The following OSBPL9 variants were observed in gnomAD, a reference collection of about 807,000 sequenced individuals.
OSBPL9 encodes the protein oxysterol-binding protein-related protein 9.
A neutral mutation model predicts 106.6 loss-of-function variants in OSBPL9; 40 were observed. That is an observed-to-expected ratio of 0.38 (90% CI 0.29 to 0.49). OSBPL9 has a LOEUF of 0.49. Among genes scored for constraint, OSBPL9 ranks in the 20% least tolerant of loss-of-function variants. OSBPL9 has a pLI of 0.97. For synonymous variants in OSBPL9, 269 were observed against 295.4 expected, an observed-to-expected ratio of 0.91 and a Z score of 0.92; for missense variants, 609 against 887.2, an observed-to-expected ratio of 0.69 and a Z score of 3.98.
chr1:51,778,536 T>C (rs1675584900), intron 15 of OSBPL9, among the ~76,000 whole-genome samples: 1 of 152,160 alleles, frequency 6.6e-6, no homozygotes, highest in South Asian at 2.1e-4. Context: ...TAGAGACAAA[T>C]AGGAATATTT....
Position 51,729,568 on chromosome 1 carries a change from C to G in OSBPL9, c.318+15489C>G, listed in dbSNP as rs1308547611. 6.0e-6 allele frequency: 1 copy of G among 166,150 alleles called. No homozygotes were observed. Among genetic ancestry groups the G allele is most frequent in the Non-Finnish European group, 1.3e-5 (1 of 77,618 alleles). The allele number at this position is 166,150 out of a possible 1,614,324, so 10.3% of individuals were successfully genotyped here. ...GGTGAACCCCCGCCCCCCACGGAGG[C>G]GGCTGGGTCGCGGGTCTGGGCGGGG... On this transcript the variant is annotated intron_variant, in intron 4 of 23. Coordinates refer to ENST00000428468, the MANE Select transcript of OSBPL9 (RefSeq NM_024586.6). The surrounding 1 kb of genome is among the most constrained non-coding windows in gnomAD (Gnocchi z 5.1).
chr1:51,780,065 G>T (rs945917301), intron 15 of OSBPL9, among the ~76,000 whole-genome samples: 8 of 147,496 alleles, frequency 5.4e-5, no homozygotes, highest in Non-Finnish European at 1.0e-4. Flanking sequence ...ACAACAGAGC[G>T]AGACTCCATC....
At chr1:51,686,155 G>A (rs1653749186) in intron 3 of OSBPL9, among the ~76,000 whole-genome samples, 1 of 152,194 alleles carries the variant, frequency 6.6e-6, no homozygotes, top group Non-Finnish European at 1.5e-5. Context: ...GCATAAAAAT[G>A]GGGTGCAGAG....
At chr1:51,747,399 G>A (rs947143348) in intron 6 of OSBPL9, among the ~76,000 whole-genome samples, 22 of 152,156 alleles carry the variant, frequency 1.4e-4, no homozygotes, top group Non-Finnish European at 2.8e-4. Flanking sequence ...CAACCAGCAA[G>A]AATGTTCAGA....
chr1:51,775,625 T>C (rs949133633), intron 14 of OSBPL9, among the ~76,000 whole-genome samples: 1 of 152,148 alleles, frequency 6.6e-6, no homozygotes, highest in Admixed American at 6.5e-5. Context: ...TATTTATTTA[T>C]TTAGAGATGG....
chr1:51,602,374 C>T (rs1051533536), intron 2 of OSBPL9, among the ~76,000 whole-genome samples: 5 of 150,074 alleles, frequency 3.3e-5, no homozygotes, highest in South Asian at 2.1e-4. Flanking sequence ...GTAATTTATT[C>T]GTATACTTTC....
At chr1:51,646,375 A>G (rs981458888) in intron 1 of OSBPL9, among the ~76,000 whole-genome samples, 1 of 152,134 alleles carries the variant, frequency 6.6e-6, no homozygotes, top group Non-Finnish European at 1.5e-5. Flanking sequence ...TTTTGATGCT[A>G]TTATAAATGG....
intron 9 of OSBPL9, among the ~76,000 whole-genome samples, chr1:51,758,089 A>G (rs759848570): frequency 5.3e-5 from 8 of 152,166 alleles, no homozygotes; most frequent in Non-Finnish European, 8.8e-5. Flanking sequence ...AGGACTGTGG[A>G]TAAGTGTAGC....
At chr1:51,521,359 C>T in the OSBPL9 span, among the ~76,000 whole-genome samples, 3 of 152,136 alleles carry the variant, frequency 2.0e-5, no homozygotes, top group African/African-American at 7.2e-5. Flanking sequence ...CAAGGGGACT[C>T]CTCCAAACCA....
intron 2 of OSBPL9, among the ~76,000 whole-genome samples, chr1:51,659,379 T>A (rs1045489188): frequency 1.3e-5 from 2 of 152,036 alleles, no homozygotes; most frequent in Non-Finnish European, 1.5e-5. Context: ...TGAACGATAA[T>A]GAGAAAACCA....
chr1:51,635,897 C>T (rs1053224185), intron 1 of OSBPL9, among the ~76,000 whole-genome samples: 6 of 151,832 alleles, frequency 4.0e-5, no homozygotes, highest in South Asian at 2.1e-4. Context: ...ATTTATGATA[C>T]GCTCATTTGG....
chr1:51,522,784 A>G, the OSBPL9 span, among the ~76,000 whole-genome samples: 2 of 152,198 alleles, frequency 1.3e-5, no homozygotes, highest in Middle Eastern at 3.2e-3. Context: ...TCTACTTTGT[A>G]TGGATGGTTT....
intron 3 of OSBPL9, among the ~76,000 whole-genome samples, chr1:51,676,100 A>G (rs986370222): frequency 6.6e-6 from 1 of 152,210 alleles, no homozygotes; most frequent in African/African-American, 2.4e-5. Flanking sequence ...TTTCCTCTTC[A>G]TTGTTATAAA....
intron 3 of OSBPL9, among the ~76,000 whole-genome samples, chr1:51,675,069 G>C (rs574521216): frequency 1.3e-5 from 2 of 152,330 alleles, no homozygotes; most frequent in East Asian, 3.9e-4. Context: ...TATAGCCTAG[G>C]TGTGTAGTAG....
intron 8 of OSBPL9, among the ~76,000 whole-genome samples, chr1:51,753,331 A>T (rs1320917127): frequency 6.6e-6 from 1 of 152,214 alleles, no homozygotes; most frequent in Non-Finnish European, 1.5e-5. Context: ...CAAGAGGGAT[A>T]ATAGTAATGT....
At chr1:51,783,727 G>A (rs769564239) in intron 17 of OSBPL9, among the ~76,000 whole-genome samples, 188 bp from the exon 18 acceptor site, 3 of 152,142 alleles carry the variant, frequency 2.0e-5, no homozygotes, top group South Asian at 2.1e-4. Flanking sequence ...TCCTGCCCAC[G>A]TGGCTCTGAA....
At chr1:51,724,808 T>G (rs1662817081) in intron 4 of OSBPL9, 1 of 247,772 alleles carries the variant, frequency 4.0e-6, no homozygotes, top group South Asian at 6.8e-5. Flanking sequence ...AAAGAGGAGC[T>G]TTACAATCTC....
Position 51,769,522 on chromosome 1 carries a change from G to C in OSBPL9, c.939-2548G>C, listed in dbSNP as rs187532375. ...GTGTTTTCCTTAGGGTTGTAATGTAGATATAGACATACCGTGTATGGTGCA... is the reference window on the plus strand; with the variant it reads ...GTGTTTTCCTTAGGGTTGTAATGTACATATAGACATACCGTGTATGGTGCA... On this transcript the variant is annotated intron_variant, in intron 12 of 23. Coordinates refer to ENST00000428468, the MANE Select transcript of OSBPL9 (RefSeq NM_024586.6). Among the ~76,000 whole-genome samples the C allele has an allele frequency of 2.9e-3, 436 of 152,270 alleles. 2 individuals carry two copies. The highest frequency in any genetic ancestry group is 8.8e-3 in the African/African-American group (364 of 41,544).
chr1:51,603,156 A>G (rs1424383832), intron 2 of OSBPL9, among the ~76,000 whole-genome samples: 5 of 151,936 alleles, frequency 3.3e-5, no homozygotes, highest in Admixed American at 3.3e-4. Context: ...CCCTGTCTCA[A>G]AACAAAAACA....
Sources: allele counts gnomAD v4.1 joint callset (sites outside exome capture counted in the v4.1 genomes callset), GRCh38; gene constraint gnomAD v4.1.1; non-coding constraint Gnocchi (gnomAD v3.1); transcripts MANE v1.5; gene names NCBI Gene and HGNC (gene_info 2026-07-23, HGNC 2026-07-21).